PDE1C: variants seen among roughly 807,000 people sequenced by gnomAD.
PDE1C encodes the protein dual specificity calcium/calmodulin-dependent 3',5'-cyclic nucleotide phosphodiesterase 1C.
In PDE1C, 62 loss-of-function variants were observed where a neutral mutation model predicts 93.1. The ratio of observed to expected loss-of-function variants is 0.67; its 90% CI spans 0.54 to 0.82. PDE1C has a LOEUF of 0.82. Ranked by LOEUF, PDE1C falls within the 40% of genes least tolerant of loss-of-function variation. PDE1C has a pLI of 0.00. For synonymous variants in PDE1C, 325 were observed against 310.1 expected (o/e 1.05, Z -0.50); for missense variants, 742 against 884.6 (o/e 0.84, Z 2.04).
chr7:31,837,906 A>G lies in PDE1C; in HGVS notation c.1046T>C (p.Ile349Thr). The G allele has an allele frequency of 6.2e-7, 1 of 1,613,842 alleles. No individual in the cohort carries two copies. Among genetic ancestry groups the G allele is most frequent in the Non-Finnish European group, 8.5e-7 (1 of 1,179,730 alleles). The change falls in exon 10 of 18, where the codon ATC becomes ACC. Residue 349 changes from isoleucine to threonine, a missense_variant. Coordinates refer to ENST00000396191, the MANE Select transcript of PDE1C (RefSeq NM_001191057.4). ...ATDMSCHFQQ[I>T]KAMKTALQQP... ...CTGCAGAGCAGTCTTCATTGCTTTG[A>G]TTTGTTGGAAGTGACAAGACATATC...
intron 2 of PDE1C, among the ~76,000 whole-genome samples, chr7:32,208,836 G>C (rs980903276): frequency 1.3e-5 from 2 of 152,166 alleles, no homozygotes; most frequent in Admixed American, 6.5e-5. Context: ...TAGGGATCAA[G>C]ACCTGGAGAC....
At chr7:32,238,269 G>A (rs897961991) in intron 1 of PDE1C, among the ~76,000 whole-genome samples, 2 of 152,148 alleles carry the variant, frequency 1.3e-5, no homozygotes, top group Non-Finnish European at 2.9e-5. Flanking sequence ...AATTTATAAA[G>A]TGCCAAGGAA....
chr7:32,036,048 C>CT (rs1347333414), intron 2 of PDE1C, among the ~76,000 whole-genome samples: 1 of 152,160 alleles, frequency 6.6e-6, no homozygotes, highest in Non-Finnish European at 1.5e-5. Flanking sequence ...GAATCATGCT[C>CT]TTTAAGTGTC....
At chr7:31,713,025 C>A in the PDE1C span, among the ~76,000 whole-genome samples, 1 of 152,172 alleles carries the variant, frequency 6.6e-6, no homozygotes. Flanking sequence ...CATGTCCTCA[C>A]ATTTCAAAAC....
chr7:31,669,943 A>G, the PDE1C span, among the ~76,000 whole-genome samples: 38 of 152,204 alleles, frequency 2.5e-4, no homozygotes, highest in African/African-American at 8.7e-4. Flanking sequence ...TTTGCATATC[A>G]GGGAAATGTG....
At chr7:32,358,881 T>TTGTGTGTGTGTGTGTGTGTG (rs66808716) in intron 1 of PDE1C, among the ~76,000 whole-genome samples, 1 of 147,682 alleles carries the variant, frequency 6.8e-6, no homozygotes, top group Admixed American at 6.8e-5. Context: ...TCATCTAACA[T>TTGTGTGTGTGTGTGTGTGTG]TGTGTGTGTG....
intron 1 of PDE1C, among the ~76,000 whole-genome samples, chr7:32,054,410 A>T (rs1183979769): frequency 6.6e-6 from 1 of 152,182 alleles, no homozygotes; most frequent in Admixed American, 6.5e-5. Context: ...ATAGTGTATT[A>T]AATTTGTCAT....
At position 31,921,050 on chromosome 7, in the gene PDE1C, AG is replaced by A. The variant is rs138249892; in HGVS notation, c.129-40191del. Reference sequence around the variant, plus strand: ...CTCCCTCAAAGCCTAAAGCAAACTCAGGCTACTGAAAAATCAATGTCCAAAT... The same window carrying A: ...CTCCCTCAAAGCCTAAAGCAAACTCAGCTACTGAAAAATCAATGTCCAAAT... On this transcript the variant is annotated intron_variant, in intron 2 of 17. Coordinates refer to ENST00000396191, the MANE Select transcript of PDE1C (RefSeq NM_001191057.4). Among the ~76,000 whole-genome samples the A allele has an allele frequency of 6.2e-3, 939 of 152,352 alleles. 11 individuals are homozygous for A. The highest frequency in any genetic ancestry group is 0.021 in the African/African-American group (892 of 41,584).
intron 1 of PDE1C, among the ~76,000 whole-genome samples, chr7:32,348,563 C>T (rs1459290504): frequency 6.6e-6 from 1 of 151,916 alleles, no homozygotes; most frequent in Non-Finnish European, 1.5e-5. Flanking sequence ...CAGGGTTTCA[C>T]CATGTTAGCC....
intron 2 of PDE1C, among the ~76,000 whole-genome samples, chr7:31,907,088 T>TGTGTGTGTGC (rs1800698469): frequency 6.6e-6 from 1 of 151,898 alleles, no homozygotes; most frequent in Non-Finnish European, 1.5e-5. Context: ...TGTGTGTGTG[T>TGTGTGTGTGC]GTGTGTGTGT....
intron 17 of PDE1C, among the ~76,000 whole-genome samples, chr7:31,766,735 A>G (rs1017248786): frequency 1.3e-5 from 2 of 152,232 alleles, no homozygotes; most frequent in African/African-American, 4.8e-5. Flanking sequence ...TCTTGTTGCA[A>G]CTTGCTTTAC....
chr7:31,859,708 A>G (rs1794451514), intron 7 of PDE1C, among the ~76,000 whole-genome samples: 1 of 152,054 alleles, frequency 6.6e-6, no homozygotes, highest in Non-Finnish European at 1.5e-5. Context: ...ACTTCAAACA[A>G]TACAGATATA....
intron 16 of PDE1C, among the ~76,000 whole-genome samples, chr7:31,792,919 GAAT>G (rs1166650116): frequency 6.6e-5 from 10 of 152,018 alleles, no homozygotes; most frequent in Admixed American, 3.3e-4. Flanking sequence ...CCACATCTTG[GAAT>G]AATTCAGGAA....
At chr7:32,050,395 G>C (rs935954095) in intron 2 of PDE1C, among the ~76,000 whole-genome samples, 1 of 152,096 alleles carries the variant, frequency 6.6e-6, no homozygotes, top group Non-Finnish European at 1.5e-5. Flanking sequence ...AAGAAATGAC[G>C]CTGGAGAAAT....
chr7:31,787,362 G>A (rs1784109836), intron 16 of PDE1C: 1 of 152,144 alleles, frequency 6.6e-6, no homozygotes, highest in South Asian at 2.1e-4. Context: ...GAATTTAATG[G>A]GTTAGAAATG....
rs946457195 is a variant in PDE1C at position 32,262,345 on chromosome 7, G to A, written c.85+36306C>T. Among the ~76,000 whole-genome samples the A allele has an allele frequency of 4.6e-5, 7 of 152,140 alleles. 1 individual carries two copies. In the South Asian group the frequency reaches 1.5e-3, roughly 32 times the overall value. ...AAAAATTATGCTGGTGAGTGAGCAG[G>A]TGCTGGGAGGAAGGAACAGGGGGTG... On this transcript the variant is annotated intron_variant, in intron 1 of 18. Transcript: ENST00000396193.
intron 1 of PDE1C, among the ~76,000 whole-genome samples, chr7:32,228,052 G>T (rs570929825): frequency 6.6e-6 from 1 of 152,196 alleles, no homozygotes; most frequent in Non-Finnish European, 1.5e-5. Context: ...ACCCAGCCAC[G>T]CTGCTCCCAG....
intron 2 of PDE1C, among the ~76,000 whole-genome samples, chr7:32,201,256 T>C (rs1804991001): frequency 6.6e-6 from 1 of 152,252 alleles, no homozygotes; most frequent in Admixed American, 6.5e-5. Flanking sequence ...GTCTGTCTCT[T>C]GCCGAAACCT....
intron 3 of PDE1C, among the ~76,000 whole-genome samples, chr7:32,077,242 A>AAAAC (rs747476544): frequency 2.6e-5 from 4 of 152,184 alleles, no homozygotes; most frequent in African/African-American, 7.2e-5. Context: ...TCTATCTTAA[A>AAAAC]AAACAAACAA....
Sources: gnomAD v4.1 joint callset for allele counts (sites outside exome capture counted in the v4.1 genomes callset) on GRCh38, gnomAD v4.1.1 for gene constraint, MANE v1.5 for transcripts, NCBI Gene and HGNC (gene_info 2026-07-23, HGNC 2026-07-21) for gene names.